Variants in WWOX observed in about 807,000 individuals in gnomAD.
WWOX encodes the protein WW domain containing oxidoreductase, also known as WW domain-containing oxidoreductase.
A neutral mutation model predicts 46.2 loss-of-function variants in WWOX; 69 were observed. That is an observed-to-expected ratio of 1.49 (90% CI 1.23 to 1.82). The LOEUF is 1.82. Ranked by LOEUF, WWOX falls within the 40% of genes most tolerant of loss-of-function variation. The probability of loss-of-function intolerance (pLI) is 0.00; values close to 1 mark genes in which losing one functional copy is unlikely to be tolerated. For missense variants in WWOX, 919 were observed against 542.6 expected, an observed-to-expected ratio of 1.69 and a Z score of -6.89; for synonymous variants, 359 against 202.6, an observed-to-expected ratio of 1.77 and a Z score of -6.56.
At chr16:78,476,860 T>C (rs1435616441) in intron 8 of WWOX, among the ~76,000 whole-genome samples, 1 of 152,044 alleles carries the variant, frequency 6.6e-6, no homozygotes, top group South Asian at 2.1e-4. Flanking sequence ...TCTTTTTCCT[T>C]CCCTCCCTTC....
intron 8 of WWOX, among the ~76,000 whole-genome samples, chr16:79,045,103 T>G (rs2048040863): frequency 6.6e-6 from 1 of 152,218 alleles, no homozygotes. Flanking sequence ...GCCTCAAATT[T>G]TAGGCATTCG....
At chr16:78,957,446 A>T (rs892728357) in intron 8 of WWOX, among the ~76,000 whole-genome samples, 3 of 152,214 alleles carry the variant, frequency 2.0e-5, no homozygotes, top group African/African-American at 7.2e-5. Flanking sequence ...GTCAACAGCC[A>T]GTGGCTCATT....
intron 8 of WWOX, among the ~76,000 whole-genome samples, chr16:79,050,792 C>T (rs1039005106): frequency 2.0e-5 from 3 of 152,212 alleles, no homozygotes; most frequent in Non-Finnish European, 4.4e-5. Flanking sequence ...GTTGAAGGCC[C>T]AGAGCTTGCT....
intron 8 of WWOX, among the ~76,000 whole-genome samples, chr16:78,932,357 G>T (rs1179563215): frequency 6.6e-6 from 1 of 152,174 alleles, no homozygotes; most frequent in African/African-American, 2.4e-5. Context: ...TGCCCCTCAG[G>T]CCGTTTTTCC....
intron 8 of WWOX, among the ~76,000 whole-genome samples, chr16:79,160,524 T>A (rs535937539): frequency 6.6e-6 from 1 of 152,332 alleles, no homozygotes; most frequent in Non-Finnish European, 1.5e-5. Context: ...TACAATGATG[T>A]AACCTACTTG....
chr16:78,278,186 C>A (rs929287240), intron 5 of WWOX, among the ~76,000 whole-genome samples: 1 of 152,096 alleles, frequency 6.6e-6, no homozygotes, highest in African/African-American at 2.4e-5. Context: ...AAACTGTAGT[C>A]TATTAAGAGT....
chr16:78,418,741 C>T (rs562488480), intron 6 of WWOX, among the ~76,000 whole-genome samples: 1 of 152,216 alleles, frequency 6.6e-6, no homozygotes, highest in East Asian at 1.9e-4. Context: ...AAAGGTCCAG[C>T]ACGCTTTCTT....
intron 8 of WWOX, among the ~76,000 whole-genome samples, chr16:78,901,104 A>C (rs778576476): frequency 1.3e-4 from 20 of 152,192 alleles, no homozygotes; most frequent in Non-Finnish European, 2.5e-4. Flanking sequence ...TCTCCCAGTC[A>C]TTACCTTTCT....
At chr16:78,849,340 G>GC (rs994616493) in intron 8 of WWOX, among the ~76,000 whole-genome samples, 4 of 151,934 alleles carry the variant, frequency 2.6e-5, no homozygotes, top group Admixed American at 2.6e-4. Context: ...GGAGGCCGAG[G>GC]CGGGGGGGAT....
intron 5 of WWOX, among the ~76,000 whole-genome samples, chr16:78,248,977 C>A (rs746454212): frequency 6.6e-6 from 1 of 151,220 alleles, no homozygotes; most frequent in African/African-American, 2.4e-5. Flanking sequence ...CTGCCTCAGC[C>A]TCCGGAGCAG....
chr16:78,970,275 A>T (rs1346609019), intron 8 of WWOX, among the ~76,000 whole-genome samples: 2 of 152,158 alleles, frequency 1.3e-5, no homozygotes, highest in African/African-American at 4.8e-5. Flanking sequence ...TCCCTGCCCG[A>T]ATCATTTTCT....
intron 4 of WWOX, among the ~76,000 whole-genome samples, chr16:78,121,199 G>C (rs1281548069): frequency 6.6e-6 from 1 of 152,154 alleles, no homozygotes; most frequent in Non-Finnish European, 1.5e-5. Flanking sequence ...TTAAGGAAAG[G>C]AAAATATTCT....
chr16:78,311,379 G>A (rs74437617), intron 5 of WWOX, among the ~76,000 whole-genome samples: 2,505 of 152,228 alleles, frequency 0.016, 69 homozygotes, highest in African/African-American at 0.056. Flanking sequence ...CACAAGGTCC[G>A]GAATGGAGGA....
intron 8 of WWOX, among the ~76,000 whole-genome samples, chr16:78,787,841 T>C (rs1024223659): frequency 1.3e-5 from 2 of 152,212 alleles, no homozygotes; most frequent in Non-Finnish European, 2.9e-5. Flanking sequence ...TTTTCTGTTT[T>C]CTTTGAAGGT....
At chr16:79,088,817 A>T (rs920538065) in intron 8 of WWOX, among the ~76,000 whole-genome samples, 1 of 152,180 alleles carries the variant, frequency 6.6e-6, no homozygotes, top group Non-Finnish European at 1.5e-5. Context: ...CGTCCACCCA[A>T]CGGCAAAGTC....
chr16:78,768,279 T>TTAAAAAAAACAA (rs1309673439), intron 8 of WWOX, among the ~76,000 whole-genome samples: 2 of 91,958 alleles, frequency 2.2e-5, no homozygotes, highest in African/African-American at 8.0e-5. Flanking sequence ...ATAGATGAGT[T>TTAAAAAAAACAA]AAAAAAAAAA....
chr16:78,334,711 A>T (rs562436006), intron 5 of WWOX, among the ~76,000 whole-genome samples: 6 of 152,084 alleles, frequency 3.9e-5, no homozygotes, highest in African/African-American at 1.2e-4. Flanking sequence ...TAAATAGCTA[A>T]CTAAACAAAA....
intron 8 of WWOX, among the ~76,000 whole-genome samples, chr16:79,050,990 C>G (rs184657756): frequency 6.6e-6 from 1 of 152,218 alleles, no homozygotes. Flanking sequence ...ACACAAGACA[C>G]TGACCCAAAT....
chr16:78,422,651 T>A lies in WWOX; in HGVS notation c.606-2219T>A, dbSNP rs1424252588. Among the ~76,000 whole-genome samples, 139 of 36,202 alleles carry A rather than the reference T, an allele frequency of 3.8e-3. 1 individual carries two copies. Among genetic ancestry groups the A allele is most frequent in the African/African-American group, 7.6e-3 (139 of 18,394 alleles). 23.7% of individuals were successfully genotyped at this position (36,202 alleles called of 152,430 possible). On this transcript the variant is annotated intron_variant, in intron 6 of 8. Coordinates refer to ENST00000566780, the MANE Select transcript of WWOX (RefSeq NM_016373.4). ...GTGAGCCACTGTGCCCAGCCTCCTG[T>A]TTTTTTTACATGTATATATATATAT...
Sources: gnomAD v4.1 joint callset for allele counts (sites outside exome capture counted in the v4.1 genomes callset) on GRCh38, gnomAD v4.1.1 for gene constraint, MANE v1.5 for transcripts, NCBI Gene and HGNC (gene_info 2026-07-23, HGNC 2026-07-21) for gene names.